The following TNN variants were observed in gnomAD, a reference collection of about 807,000 sequenced individuals.
TNN encodes the protein tenascin-N.
In TNN, 122 loss-of-function variants were observed where a neutral mutation model predicts 134.4. The observed-to-expected ratio is 0.91, with a 90% CI of 0.78 to 1.06. TNN has a LOEUF of 1.06. Among genes scored for constraint, TNN ranks in the 50% least tolerant of loss-of-function variants. The pLI, the probability that TNN is intolerant of heterozygous loss-of-function variation, is 0.00. For synonymous variants in TNN, 710 were observed against 670.3 expected (o/e 1.06, Z -0.91); for missense variants, 1,739 against 1,699.4 (o/e 1.02, Z -0.41).
At chr1:175,082,303 T>G (rs987576702) in intron 4 of TNN, among the ~76,000 whole-genome samples, 1 of 152,200 alleles carries the variant, frequency 6.6e-6, no homozygotes, top group Non-Finnish European at 1.5e-5. Flanking sequence ...AGTGTGAAGT[T>G]TCTCTTTCTT....
chr1:175,136,158 A>AT (rs1354107565), intron 16 of TNN, among the ~76,000 whole-genome samples: 2 of 152,122 alleles, frequency 1.3e-5, no homozygotes, highest in Non-Finnish European at 2.9e-5. Context: ...CAGGGGTTTT[A>AT]TGCTGATTTA....
chr1:175,120,564 C>T (rs1280746404), intron 11 of TNN, among the ~76,000 whole-genome samples: 2 of 152,234 alleles, frequency 1.3e-5, no homozygotes, highest in Non-Finnish European at 2.9e-5. Context: ...CTGGTCACCA[C>T]CCTGTCTGCA....
At chr1:175,073,286 C>T (rs1417541547) in intron 1 of TNN, among the ~76,000 whole-genome samples, 2 of 152,084 alleles carry the variant, frequency 1.3e-5, no homozygotes, top group African/African-American at 4.8e-5. Flanking sequence ...CAGTTCCTAT[C>T]CTGGGGATCA....
At chr1:175,137,786 G>GGT (rs1247209259) in intron 17 of TNN, among the ~76,000 whole-genome samples, 2 of 152,152 alleles carry the variant, frequency 1.3e-5, no homozygotes, top group Non-Finnish European at 2.9e-5. Flanking sequence ...TTTTGACTTT[G>GGT]GTGTATTTAC....
intron 1 of TNN, 50 bp downstream of exon 1, chr1:175,067,985 C>A (rs527994165): frequency 2.3e-4 from 106 of 457,494 alleles, no homozygotes; most frequent in African/African-American, 2.0e-3. Flanking sequence ...AGGGAGGTGG[C>A]CAATGCAGAT....
Position 175,136,953 on chromosome 1 carries a change from A to G in TNN, c.3560A>G (p.Tyr1187Cys). The G allele has an allele frequency of 1.2e-6, 2 of 1,614,180 alleles. No individual in the cohort carries two copies. The highest frequency in any genetic ancestry group is 1.7e-6 in the Non-Finnish European group (2 of 1,179,998). ...CAAGTGGCCTCCAGCAAGGAGCGGTATAAGCTGACAGTTGGGAAATACAGA... is the reference window on the plus strand; with the variant it reads ...CAAGTGGCCTCCAGCAAGGAGCGGTGTAAGCTGACAGTTGGGAAATACAGA... ...FFQVASSKER[Y>C]KLTVGKYRGT... Residue 1187 changes from tyrosine (Y) to cysteine (C), a missense_variant, in exon 17 of 19, where the codon TAT (tyrosine) becomes TGT (cysteine). Tyr to Cys is a radical substitution (Grantham distance 194). Transcript: ENST00000239462.
intron 9 of TNN, among the ~76,000 whole-genome samples, chr1:175,114,821 C>T (rs1228114084): frequency 2.0e-5 from 3 of 152,074 alleles, no homozygotes; most frequent in African/African-American, 7.2e-5. Flanking sequence ...ACCAATAGAG[C>T]TCAGTGGCAA....
chr1:175,070,736 C>T (rs181325587), intron 1 of TNN, among the ~76,000 whole-genome samples: 1 of 152,254 alleles, frequency 6.6e-6, no homozygotes. Context: ...CTTGTATATC[C>T]ATTTTCTTGG....
intron 17 of TNN, among the ~76,000 whole-genome samples, chr1:175,141,589 A>G (rs573314440): frequency 6.6e-6 from 1 of 152,364 alleles, no homozygotes; most frequent in African/African-American, 2.4e-5. Context: ...AAAGACATTC[A>G]AGGTTCTGAC....
At chr1:175,136,694 C>T in intron 16 of TNN, 127 bp from the exon 17 acceptor site, 2 of 815,974 alleles carry the variant, frequency 2.5e-6, no homozygotes, top group Admixed American at 2.8e-5. Context: ...GCTGAGACTG[C>T]CCCTTATTAG....
intron 7 of TNN, 39 bp downstream of exon 7, chr1:175,094,292 G>A (rs772924735): frequency 6.7e-7 from 1 of 1,484,170 alleles, no homozygotes; most frequent in Admixed American, 2.1e-5. Context: ...TTTCCTCATG[G>A]CAGGGAGAAG....
chr1:175,080,448 C>G (rs199898556), intron 4 of TNN, 22 bp downstream of exon 4: 1 of 1,611,820 alleles, frequency 6.2e-7, no homozygotes, highest in Non-Finnish European at 8.5e-7. Flanking sequence ...ACCTGATGCC[C>G]CAGGGTTCCC....
In TNN at chr1:175,091,147, C is replaced by T. The variant is rs145785616; in HGVS notation, c.1325-2843C>T. On this transcript the variant is annotated intron_variant, in intron 6 of 18. Coordinates refer to ENST00000239462, the MANE Select transcript of TNN (RefSeq NM_022093.2). The stretch of plus-strand genomic sequence containing the variant: ...TATCATGGAGGTCCCATCTCTGAGG[C>T]CTTCCTCCCATTCCTGTGTCTCAGC... Among the ~76,000 whole-genome samples, 37 of 152,398 alleles carry T rather than the reference C, an allele frequency of 2.4e-4. No individual in the cohort carries two copies. In the East Asian group the frequency reaches 6.7e-3, roughly 28 times the overall value.
At chr1:175,110,695 T>C (rs563304737) in intron 9 of TNN, among the ~76,000 whole-genome samples, 1 of 152,384 alleles carries the variant, frequency 6.6e-6, no homozygotes, top group South Asian at 2.1e-4. Context: ...GATTTATTTC[T>C]GGGTTCTCTA....
intron 2 of TNN, 114 bp from the exon 3 acceptor site, chr1:175,079,217 CAG>C: frequency 1.6e-6 from 2 of 1,279,932 alleles, no homozygotes; most frequent in Non-Finnish European, 2.1e-6. Context: ...CAGAAATCAC[CAG>C]ACCCTTAAGA....
intron 9 of TNN, among the ~76,000 whole-genome samples, chr1:175,099,756 G>A (rs538628985): frequency 6.9e-4 from 105 of 152,178 alleles, no homozygotes; most frequent in Non-Finnish European, 8.8e-4. Flanking sequence ...TGTAACAGGT[G>A]TTTGGGCCTG....
intron 12 of TNN, among the ~76,000 whole-genome samples, chr1:175,126,105 T>C (rs1675522578): frequency 2.6e-4 from 1 of 3,836 alleles, no homozygotes; most frequent in South Asian, 2.9e-3. Flanking sequence ...TGTTTCTTTC[T>C]TTTTTTTTTT....
chr1:175,077,929 C>A, intron 2 of TNN, 102 bp downstream of exon 2: 1 of 1,194,190 alleles, frequency 8.4e-7, no homozygotes, highest in Non-Finnish European at 1.2e-6. Flanking sequence ...CTCTGGTGTG[C>A]TCCTACTTCT....
rs370948555 is a variant in TNN, at chr1:175,128,783, G to T, written c.3330+37G>T. The T allele has an allele frequency of 2.7e-5, 43 of 1,571,964 alleles. No individual in the cohort carries two copies. The African/African-American group carries it at 5.4e-4, about 20-fold the overall frequency. On this transcript the variant is annotated intron_variant, in intron 15 of 18. Transcript: ENST00000239462. ...AGAACCCTGGGGAGCTCTGTGTAGG[G>T]CCTTCCTTCTCAGCCCAGGATGCCG...
Sources: gnomAD v4.1 joint callset for allele counts (sites outside exome capture counted in the v4.1 genomes callset) on GRCh38, gnomAD v4.1.1 for gene constraint, MANE v1.5 for transcripts, NCBI Gene and HGNC (gene_info 2026-07-23, HGNC 2026-07-21) for gene names.